The following RESF1 variants were observed in gnomAD, a reference collection of about 807,000 sequenced individuals.
The protein encoded by RESF1 is gonad expressed transcript.
A neutral mutation model predicts 134.7 loss-of-function variants in RESF1; 65 were observed. The ratio of observed to expected loss-of-function variants is 0.48; its 90% CI spans 0.40 to 0.59. RESF1 has a LOEUF of 0.59. RESF1 is among the 20% of genes least tolerant of loss of function. The pLI is 0.00. For synonymous variants in RESF1, 762 were observed against 702.2 expected, an observed-to-expected ratio of 1.09 and a Z score of -1.35; for missense variants, 2,274 against 2,002.7, an observed-to-expected ratio of 1.14 and a Z score of -2.59.
rs557677819 is a variant in RESF1 at position 31,967,735 on chromosome 12, C to T, written c.-246-2454C>T. Among the ~76,000 whole-genome samples, 3 of 150,910 alleles carry T rather than the reference C, an allele frequency of 2.0e-5. No individual in the cohort carries two copies. In the South Asian group the frequency reaches 6.3e-4, roughly 32 times the overall value. On this transcript the variant is annotated intron_variant, in intron 2 of 5. Transcript: ENST00000312561. ...TCATGATCACGTGGCTGACTGGGTG[C>T]TATGGCTTGCTGCCACCACCCAGCG...
At chr12:31,966,421 A>G (rs1180619290) in intron 2 of RESF1, among the ~76,000 whole-genome samples, 2 of 152,224 alleles carry the variant, frequency 1.3e-5, no homozygotes, top group South Asian at 2.1e-4. Flanking sequence ...ATACAAATAG[A>G]AAACATGGTC....
At chr12:31,966,019 G>T (rs1326901031) in intron 2 of RESF1, among the ~76,000 whole-genome samples, 1 of 152,114 alleles carries the variant, frequency 6.6e-6, no homozygotes, top group Non-Finnish European at 1.5e-5. Context: ...GCTTGTCAGC[G>T]CTTTTCAGAT....
rs1940119418 is a variant in RESF1, at chr12:31,992,630, G to T, written c.*95G>T. 8.0e-7 allele frequency: 1 copy of T among 1,252,368 alleles called. No homozygotes were observed. The highest frequency in any genetic ancestry group is 1.1e-6 in the Non-Finnish European group (1 of 873,640). 77.6% of individuals were successfully genotyped at this position (1,252,368 alleles called of 1,614,324 possible). On this transcript the variant is annotated 3_prime_UTR_variant, in exon 6 of 6. Coordinates refer to ENST00000312561, the MANE Select transcript of RESF1 (RefSeq NM_018169.4). ...AACTAATGAGAAATGCCATGATAAA[G>T]ATTTCTCAGAGTTTGGTTCCCACTT...
chr12:31,987,642 A>G (rs1940005085), intron 5 of RESF1, among the ~76,000 whole-genome samples: 1 of 152,206 alleles, frequency 6.6e-6, no homozygotes, highest in South Asian at 2.1e-4. Flanking sequence ...GTCTGTCCTG[A>G]CTACTCAGCT....
Position 31,982,844 on chromosome 12 carries a change from A to G in RESF1, c.1889A>G (p.Lys630Arg). The change falls in exon 4 of 6, where the codon AAG (lysine) becomes AGG (arginine). Residue 630 changes from lysine (K) to arginine (R), a missense_variant. Coordinates refer to ENST00000312561, the MANE Select transcript of RESF1 (RefSeq NM_018169.4). ...ATGACTGGTAACCAACTGAATTTGAAGAACATGGAAACTCCAAGTACTTCT... is the reference window on the plus strand; with the variant it reads ...ATGACTGGTAACCAACTGAATTTGAGGAACATGGAAACTCCAAGTACTTCT... ...TQMTGNQLNL[K>R]NMETPSTSNV... 6.2e-7 allele frequency: 1 copy of G among 1,614,206 alleles called. No individual in the cohort carries two copies. Among genetic ancestry groups the G allele is most frequent in the Non-Finnish European group, 8.5e-7 (1 of 1,180,022 alleles).
intron 2 of RESF1, among the ~76,000 whole-genome samples, chr12:31,965,679 C>T (rs1939383462): frequency 6.6e-6 from 1 of 152,078 alleles, no homozygotes; most frequent in South Asian, 2.1e-4. Flanking sequence ...ATAATAGGAG[C>T]GATGAAGAAG....
At chr12:31,968,412 G>T (rs1939442386) in intron 2 of RESF1, among the ~76,000 whole-genome samples, 1 of 151,852 alleles carries the variant, frequency 6.6e-6, no homozygotes, top group Admixed American at 6.6e-5. Context: ...GAAGTGGTCA[G>T]GACTTTTTCC....
intron 5 of RESF1, among the ~76,000 whole-genome samples, chr12:31,990,705 C>T (rs1940076984): frequency 6.6e-6 from 1 of 152,144 alleles, no homozygotes; most frequent in South Asian, 2.1e-4. Flanking sequence ...TGCCAAAGTG[C>T]TGGGATTACA....
chr12:31,987,429 T>C, intron 5 of RESF1, 107 bp downstream of exon 5: 1 of 580,990 alleles, frequency 1.7e-6, no homozygotes. Context: ...TCCATGTTCT[T>C]TTTTTTTTTT....
At position 31,984,009 on chromosome 12, in the gene RESF1, G is replaced by A; in HGVS notation, c.3054G>A (p.Glu1018=). ...NDTCSSAAIQ[E]DIYPQEIDAS... is the part of the protein sequence containing the mutation. ...CGTGCTCGTCAGCTGCTATTCAGGA[G>A]GATATTTACCCTCAGGAAATAGATG... The change falls in exon 4 of 6, where the codon GAG becomes GAA. Residue 1018 remains glutamate, a synonymous_variant. Transcript: ENST00000312561. 1 of 1,613,914 alleles carries A rather than the reference G, an allele frequency of 6.2e-7. No homozygotes were observed.
At chr12:31,991,008 A>G (rs1468336418) in intron 5 of RESF1, among the ~76,000 whole-genome samples, 1 of 152,118 alleles carries the variant, frequency 6.6e-6, no homozygotes, top group Non-Finnish European at 1.5e-5. Context: ...CAGCTTCGGC[A>G]ACATCAGGAG....
chr12:31,981,265 C>G lies in RESF1; in HGVS notation c.310C>G (p.Leu104Val). ...TGCAAATGTTAATGGACCCAAACAA[C>G]TAACTCACAATTTGCAGATGTCTTC... is the stretch of plus-strand genomic sequence containing the variant. The part of the protein sequence containing the change: ...TYANVNGPKQ[L>V]THNLQMSSGV... The change falls in exon 4 of 6, where the codon CTA becomes GTA. Residue 104 changes from leucine to valine, a missense_variant. Coordinates refer to ENST00000312561, the MANE Select transcript of RESF1 (RefSeq NM_018169.4). 4 of 1,614,128 alleles carry G rather than the reference C, an allele frequency of 2.5e-6. No homozygotes were observed. Among genetic ancestry groups the G allele is most frequent in the Non-Finnish European group, 3.4e-6 (4 of 1,180,010 alleles).
rs1313981182 is a variant in RESF1 at position 31,981,358 on chromosome 12, A to G, written c.403A>G (p.Thr135Ala). 3 of 1,614,038 alleles carry G rather than the reference A, an allele frequency of 1.9e-6. No individual in the cohort carries two copies. The highest frequency in any genetic ancestry group is 1.3e-5 in the African/African-American group (1 of 74,932). Reference sequence around the variant, plus strand: ...TCCTGTGCATTCTCATATAGGGGCAACTGTATCTCATCAAACTGATTTTGG... The same window carrying G: ...TCCTGTGCATTCTCATATAGGGGCAGCTGTATCTCATCAAACTGATTTTGG... Reference protein sequence around the residue: ...RNPVHSHIGATVSHQTDFGAN... With the variant: ...RNPVHSHIGAAVSHQTDFGAN... The change falls in exon 4 of 6, where the codon ACT (threonine) becomes GCT (alanine). Residue 135 changes from threonine to alanine, a missense_variant. By Grantham distance (58) the Thr-to-Ala change is moderately conservative. Coordinates refer to ENST00000312561, the MANE Select transcript of RESF1 (RefSeq NM_018169.4).
intron 2 of RESF1, among the ~76,000 whole-genome samples, chr12:31,964,554 C>T (rs1251426539): frequency 7.2e-5 from 11 of 152,090 alleles, no homozygotes. Context: ...TAGGTTGATT[C>T]TGGGTCTTTG....
At chr12:31,990,806 A>G (rs1258633148) in intron 5 of RESF1, among the ~76,000 whole-genome samples, 2 of 152,164 alleles carry the variant, frequency 1.3e-5, no homozygotes, top group Non-Finnish European at 2.9e-5. Flanking sequence ...ATCTCTGGGA[A>G]ATAGTGAATT....
intron 5 of RESF1, among the ~76,000 whole-genome samples, chr12:31,988,666 C>G (rs369896772): frequency 6.8e-6 from 1 of 147,792 alleles, no homozygotes; most frequent in Non-Finnish European, 1.5e-5. Flanking sequence ...GGGCTGAGGA[C>G]CAACTAGAAA....
At chr12:31,990,241 G>C (rs551929766) in intron 5 of RESF1, among the ~76,000 whole-genome samples, 1 of 152,240 alleles carries the variant, frequency 6.6e-6, no homozygotes, top group East Asian at 1.9e-4. Context: ...AGCACTGCAC[G>C]GTGAATGTGA....
At chr12:31,971,150 T>G (rs1369161044) in intron 3 of RESF1, among the ~76,000 whole-genome samples, 1 of 152,238 alleles carries the variant, frequency 6.6e-6, no homozygotes, top group African/African-American at 2.4e-5. Flanking sequence ...CATTCCTGCT[T>G]TCTTTTTTTG....
intron 1 of RESF1, among the ~76,000 whole-genome samples, chr12:31,960,249 CAATT>C (rs370202107): frequency 6.6e-4 from 101 of 152,212 alleles, no homozygotes; most frequent in African/African-American, 2.2e-3. Flanking sequence ...TCCGTGAAAA[CAATT>C]TATTTGTAGT....
Sources: allele counts gnomAD v4.1 joint callset (sites outside exome capture counted in the v4.1 genomes callset), GRCh38; gene constraint gnomAD v4.1.1; transcripts MANE v1.5; gene names NCBI Gene and HGNC (gene_info 2026-07-23, HGNC 2026-07-21).